Variants in TRPA1 observed in about 807,000 individuals in gnomAD.
TRPA1 encodes ankyrin-like with transmembrane domains 1.
A neutral mutation model predicts 131.3 loss-of-function variants in TRPA1; 129 were observed. That is an observed-to-expected ratio of 0.98 (90% CI 0.85 to 1.14). The LOEUF (loss-of-function observed/expected upper bound fraction) is 1.14. Ranked by LOEUF, TRPA1 falls within the 50% of genes most tolerant of loss-of-function variation. The pLI is 0.00. For missense variants in TRPA1, 1,304 were observed against 1,354.2 expected (o/e 0.96, Z 0.58); for synonymous variants, 441 against 451.7 (o/e 0.98, Z 0.30).
chr8:72,070,494 C>T (rs1347295694), intron 2 of TRPA1, among the ~76,000 whole-genome samples: 1 of 152,146 alleles, frequency 6.6e-6, no homozygotes. Context: ...GGCTTTTATC[C>T]TCATCCCTTT....
the TRPA1 span, among the ~76,000 whole-genome samples, chr8:72,084,647 ATTTT>A: frequency 9.5e-6 from 1 of 104,988 alleles, no homozygotes; most frequent in Non-Finnish European, 1.9e-5. Flanking sequence ...TAAAATGATA[ATTTT>A]TTTTTTTTTT....
intron 24 of TRPA1, 77 bp downstream of exon 24, chr8:72,029,824 T>G: frequency 2.1e-6 from 3 of 1,413,230 alleles, no homozygotes; most frequent in Non-Finnish European, 3.0e-6. Context: ...TGCCCATTTT[T>G]GACTTGTAAT....
chr8:72,080,473 G>C (rs1563410940), upstream of TRPA1, among the ~76,000 whole-genome samples: 1 of 151,526 alleles, frequency 6.6e-6, no homozygotes, highest in Non-Finnish European at 1.5e-5. Flanking sequence ...GATTCAGGTT[G>C]CTAATATTTT....
intron 23 of TRPA1, among the ~76,000 whole-genome samples, chr8:72,033,103 C>T (rs762545535): frequency 6.6e-6 from 1 of 152,312 alleles, no homozygotes; most frequent in Admixed American, 6.5e-5. Context: ...GGCATCTGAA[C>T]GTCGCAGATG....
At chr8:72,052,518 T>C (rs995048458) in intron 14 of TRPA1, 81 bp downstream of exon 14, 18 of 1,568,902 alleles carry the variant, frequency 1.1e-5, no homozygotes, top group Non-Finnish European at 1.6e-5. Flanking sequence ...AAATCATTTC[T>C]TTTCTCTTAT....
chr8:72,083,024 C>G, the TRPA1 span, among the ~76,000 whole-genome samples: 1 of 151,788 alleles, frequency 6.6e-6, no homozygotes, highest in Non-Finnish European at 1.5e-5. Context: ...TTTTATTTAT[C>G]TGTCTTCAAG....
intron 20 of TRPA1, 86 bp downstream of exon 20, chr8:72,037,897 A>G (rs1812110175): frequency 2.5e-6 from 2 of 794,908 alleles, no homozygotes; most frequent in Admixed American, 1.9e-5. Flanking sequence ...TTATGACATA[A>G]TATCTCAAGT....
rs1414535381 is a variant in TRPA1 at position 72,053,752 on chromosome 8, C to T, written c.1644+1G>A. The T allele has an allele frequency of 1.9e-6, 3 of 1,609,084 alleles. No individual in the cohort carries two copies. Among genetic ancestry groups the T allele is most frequent in the Non-Finnish European group, 1.7e-6 (2 of 1,177,132 alleles). ...GTAAGCATGAGGACCGCAGTACATA[C>T]CCCGTCTTCATCCAGGCGATCTGTG... On this transcript the variant is annotated splice_donor_variant, in intron 13 of 26. Coordinates refer to ENST00000262209, the MANE Select transcript of TRPA1 (RefSeq NM_007332.3). LOFTEE classifies it high-confidence loss of function.
chr8:72,054,800 GAT>G (rs1703892021), intron 12 of TRPA1: 1 of 152,438 alleles, frequency 6.6e-6, no homozygotes. Flanking sequence ...GCTATGGTAA[GAT>G]ATCAAATGAA....
chr8:72,057,195 C>CTG (rs150889648), intron 9 of TRPA1, among the ~76,000 whole-genome samples, 178 bp from the exon 10 acceptor site: 2,525 of 151,768 alleles, frequency 0.017, 39 homozygotes, highest in Non-Finnish European at 0.026. Flanking sequence ...AACTTACTCT[C>CTG]TGTGTGTGTG....
intron 18 of TRPA1, 133 bp downstream of exon 18, chr8:72,039,590 CTTAT>C: frequency 1.6e-6 from 1 of 630,624 alleles, no homozygotes; most frequent in Non-Finnish European, 2.8e-6. Context: ...ATTTGCCTTA[CTTAT>C]TTCTTCAAAG....
chr8:72,057,860 T>A, intron 8 of TRPA1, 44 bp from the exon 9 acceptor site: 1 of 1,369,574 alleles, frequency 7.3e-7, no homozygotes, highest in Non-Finnish European at 1.0e-6. Context: ...TAGAAACAGA[T>A]AAATCATAAT....
At chr8:72,029,141 T>A (rs768762827) in intron 24 of TRPA1, among the ~76,000 whole-genome samples, 3 of 152,208 alleles carry the variant, frequency 2.0e-5, no homozygotes, top group East Asian at 3.8e-4. Flanking sequence ...CATCAAATTG[T>A]CTATAAAAAT....
At chr8:72,075,695 C>A, upstream of TRPA1, 1 of 473,686 alleles carries the variant, frequency 2.1e-6, no homozygotes, top group Admixed American at 3.4e-5. Context: ...GCCGCGTCTG[C>A]CTTGGACTCG....
At chr8:72,059,923 A>T (rs898177397) in intron 7 of TRPA1, among the ~76,000 whole-genome samples, 15 of 152,186 alleles carry the variant, frequency 9.9e-5, no homozygotes, top group Non-Finnish European at 2.1e-4. Context: ...AAAAATAATT[A>T]TGGAGAGAAC....
intron 15 of TRPA1, among the ~76,000 whole-genome samples, chr8:72,048,041 A>AG (rs1234594061): frequency 2.0e-5 from 3 of 149,302 alleles, no homozygotes; most frequent in Admixed American, 6.7e-5. Context: ...ATGTGTTTAG[A>AG]GGGGGGTGGA....
intron 17 of TRPA1, chr8:72,041,161 G>A (rs899083938): frequency 3.9e-5 from 6 of 152,136 alleles, no homozygotes; most frequent in East Asian, 1.9e-4. Context: ...TCACCAGGAA[G>A]ATACAACAAT....
Position 72,052,441 on chromosome 8 carries a change from AAAAAAT to A in TRPA1, c.1811+152_1811+157del, listed in dbSNP as rs1249718703. On this transcript the variant is annotated intron_variant, in intron 14 of 26. Transcript: ENST00000262209. ...TTTCTAAAAATAAATAAATAAAAAT[AAAAAAT>A]AAAAAACCTTTAAAAAATTGATGTA... 1.5e-5 allele frequency: 12 copies of A among 812,210 alleles called. No individual in the cohort carries two copies. In the African/African-American group the frequency reaches 1.9e-4, roughly 13 times the overall value. The allele number at this position is 812,210 out of a possible 1,614,324, so 50.3% of individuals were successfully genotyped here.
chr8:72,029,374 T>C (rs902892866), intron 24 of TRPA1, among the ~76,000 whole-genome samples: 2 of 152,190 alleles, frequency 1.3e-5, no homozygotes, highest in Non-Finnish European at 2.9e-5. Flanking sequence ...TTCTCTAAGA[T>C]TGTTCTCGGA....
Sources: allele counts gnomAD v4.1 joint callset (sites outside exome capture counted in the v4.1 genomes callset), GRCh38; gene constraint gnomAD v4.1.1; transcripts MANE v1.5; gene names NCBI Gene and HGNC (gene_info 2026-07-23, HGNC 2026-07-21).